Variants in ZNF358 observed in about 807,000 individuals in gnomAD.
ZNF358 encodes the protein zinc finger protein 358.
ZNF358 carries 1 observed loss-of-function variant against 2.1 expected under a neutral mutation model. The observed-to-expected ratio is 0.49, with a 90% confidence interval of 0.17 to 2.30. The LOEUF (loss-of-function observed/expected upper bound fraction) is 2.30, where lower values mean the gene tolerates loss of function less well. ZNF358 is among the 30% of genes most tolerant of loss of function. The probability of loss-of-function intolerance (pLI) is 0.26; values close to 1 mark genes in which losing one functional copy is unlikely to be tolerated. For synonymous variants in ZNF358, 381 were observed against 359.7 expected (o/e 1.06, Z -0.67); for missense variants, 665 against 806.8 (o/e 0.82, Z 2.13).
At chr19:7,518,553 G>GAA (rs538103893) in intron 1 of ZNF358, among the ~76,000 whole-genome samples, 104 of 22,564 alleles carry the variant, frequency 4.6e-3, no homozygotes, top group African/African-American at 0.013. Flanking sequence ...GAAAGAGAGA[G>GAA]AGAGAGAAAG....
intron 1 of ZNF358, among the ~76,000 whole-genome samples, chr19:7,517,562 CATAA>C (rs941356105): frequency 5.9e-5 from 9 of 151,914 alleles, no homozygotes; most frequent in African/African-American, 2.2e-4. Context: ...CCATCTCAAA[CATAA>C]ATAAATAAAT....
chr19:7,520,982 A>G lies in ZNF358; in HGVS notation c.*33A>G. Reference sequence around the variant, plus strand: ...GCCGGCATCCTCGGGGGCCTGGGGAAGTTGTGTGTTGTGCAGTCAGTAAAA... The same window carrying G: ...GCCGGCATCCTCGGGGGCCTGGGGAGGTTGTGTGTTGTGCAGTCAGTAAAA... On this transcript the variant is annotated 3_prime_UTR_variant, in exon 2 of 2. Transcript: ENST00000597229. This position sits in a 1 kb window ranked among gnomAD's most constrained non-coding sequence, Gnocchi z 6.0. 6.2e-7 allele frequency: 1 copy of G among 1,601,908 alleles called. No individual in the cohort carries two copies. Among genetic ancestry groups the G allele is most frequent in the Non-Finnish European group, 8.5e-7 (1 of 1,172,998 alleles).
intron 1 of ZNF358, among the ~76,000 whole-genome samples, chr19:7,518,316 G>T (rs145690944): frequency 6.5e-4 from 99 of 152,164 alleles, no homozygotes; most frequent in Admixed American, 5.6e-3. Context: ...ATGCTCAGAA[G>T]TGAGTGGGGT....
In ZNF358 at chr19:7,519,731, C is replaced by G; in HGVS notation, c.489C>G (p.Ser163Arg). 6.4e-7 allele frequency: 1 copy of G among 1,559,588 alleles called. No homozygotes were observed. Among genetic ancestry groups the G allele is most frequent in the South Asian group, 1.1e-5 (1 of 87,110 alleles). The change falls in exon 2 of 2, where the codon AGC becomes AGG. Residue 163 changes from serine (S) to arginine (R), a missense_variant. By Grantham distance (110) the Ser-to-Arg change is moderately radical. This residue lies in a region of ZNF358 where 206 missense variants were observed against 228.4 expected (regional missense o/e 0.90). Transcript: ENST00000597229. Reference sequence around the variant, plus strand: ...ATTGCGGGCGAGCCTTCCGCCGCAGCTCCGGGCTGAGCCAGCATCGCCGCA... The same window carrying G: ...ATTGCGGGCGAGCCTTCCGCCGCAGGTCCGGGCTGAGCCAGCATCGCCGCA... The part of the protein sequence containing the change: ...CPDCGRAFRR[S>R]SGLSQHRRTH...
upstream of ZNF358, among the ~76,000 whole-genome samples, chr19:7,515,111 T>C (rs2022318225): frequency 6.6e-6 from 1 of 152,172 alleles, no homozygotes; most frequent in Non-Finnish European, 1.5e-5. Flanking sequence ...GGATGAGAAC[T>C]CATTTTTGTG....
intron 1 of ZNF358, among the ~76,000 whole-genome samples, chr19:7,518,880 C>T (rs2022400176): frequency 6.6e-6 from 1 of 152,070 alleles, no homozygotes; most frequent in Non-Finnish European, 1.5e-5. Context: ...GCCTGTCTAA[C>T]ATGCTGAAAT....
Position 7,520,955 on chromosome 19 carries a change from AC to A in ZNF358, c.*7del, listed in dbSNP as rs1240995835. The A allele has an allele frequency of 6.2e-7, 1 of 1,610,436 alleles. No homozygotes were observed. Among genetic ancestry groups the A allele is most frequent in the East Asian group, 2.2e-5 (1 of 44,796 alleles). On this transcript the variant is annotated 3_prime_UTR_variant, in exon 2 of 2. Coordinates refer to ENST00000597229, the MANE Select transcript of ZNF358 (RefSeq NM_018083.5). The surrounding 1 kb of genome is among the most constrained non-coding windows in gnomAD (Gnocchi z 6.0). ...TGCTGGGGCCTGATGGCTGAAGGAG[AC>A]GCCGGCATCCTCGGGGGCCTGGGGA...
At chr19:7,519,064 C>CAA (rs397859220) in intron 1 of ZNF358, 141 bp from the exon 2 acceptor site, 5,924 of 573,080 alleles carry the variant, frequency 0.01, no homozygotes, top group Non-Finnish European at 0.011. Context: ...GACCCCATCT[C>CAA]AAAAAAAAAA....
rs1160489342 is a variant in ZNF358, at chr19:7,516,193, G to C, written c.-95G>C. 1 of 143,676 alleles carries C rather than the reference G, an allele frequency of 7.0e-6. No homozygotes were observed. Among genetic ancestry groups the C allele is most frequent in the African/African-American group, 2.5e-5 (1 of 40,032 alleles). The allele number at this position is 143,676 out of a possible 1,614,324, so 8.9% of individuals were successfully genotyped here. ...GGGCGGGGGGCTTCCTGCGGGCCCG[G>C]GGGGAGCCGGCGGCCGGCGCGGGCG... On this transcript the variant is annotated 5_prime_UTR_variant, in exon 1 of 2. Transcript: ENST00000597229. This position sits in a 1 kb window ranked among gnomAD's most constrained non-coding sequence, Gnocchi z 5.9.
At chr19:7,519,112 G>A (rs373089444) in intron 1 of ZNF358, 93 bp from the exon 2 acceptor site, 91 of 1,370,608 alleles carry the variant, frequency 6.6e-5, no homozygotes, top group Non-Finnish European at 8.5e-5. Flanking sequence ...GGGCACAATC[G>A]GGTCCCGTCT....
In ZNF358 at chr19:7,520,624, A is replaced by G; in HGVS notation, c.1382A>G (p.Asn461Ser). Residue 461 changes from asparagine to serine, a missense_variant, in exon 2 of 2, where the codon AAC becomes AGC. Around this residue, in one of 3 missense-constraint regions of ZNF358, gnomAD observed 249 missense variants for 227.6 expected, o/e 1.09. Transcript: ENST00000597229. This position sits in a 1 kb window ranked among gnomAD's most constrained non-coding sequence, Gnocchi z 6.0. ...AGCCCTGGCACCAGCTCTGGCCGCA[A>G]CCCTGACCCTGGCTCTGGGCCGGGC... ...GLSPGTSSGR[N>S]PDPGSGPGTL... The G allele has an allele frequency of 6.5e-7, 1 of 1,528,862 alleles. No homozygotes were observed. The highest frequency in any genetic ancestry group is 8.9e-7 in the Non-Finnish European group (1 of 1,122,246). 94.7% of individuals were successfully genotyped at this position (1,528,862 alleles called of 1,614,324 possible). A position where few individuals can be genotyped will look rare whatever the true frequency, so the allele number is the denominator to read the frequency against.
At chr19:7,514,479 C>T (rs779994509), upstream of ZNF358, among the ~76,000 whole-genome samples, 1 of 152,096 alleles carries the variant, frequency 6.6e-6, no homozygotes, top group African/African-American at 2.4e-5. Flanking sequence ...GTGGGCTCTG[C>T]GGAAAGATGG....
intron 1 of ZNF358, 133 bp from the exon 2 acceptor site, chr19:7,519,064 CAAAAAAAA>C (rs397859220): frequency 1.2e-4 from 71 of 577,492 alleles, no homozygotes; most frequent in East Asian, 1.2e-3. Context: ...GACCCCATCT[CAAAAAAAA>C]AAAAAAAAAA....
intron 1 of ZNF358, 35 bp from the exon 2 acceptor site, chr19:7,519,170 C>T (rs1260679397): frequency 1.3e-6 from 2 of 1,542,950 alleles, no homozygotes; most frequent in South Asian, 2.5e-5. Flanking sequence ...CCACAGAACC[C>T]ACCTACCCTC....
intron 1 of ZNF358, 136 bp from the exon 2 acceptor site, chr19:7,519,069 A>T (rs1398139634): frequency 9.5e-6 from 9 of 948,088 alleles, no homozygotes; most frequent in South Asian, 3.1e-5. Context: ...CATCTCAAAA[A>T]AAAAAAAAAA....
At chr19:7,519,065 A>AC (rs1491246319) in intron 1 of ZNF358, 140 bp from the exon 2 acceptor site, 1 of 64,638 alleles carries the variant, frequency 1.5e-5, no homozygotes, top group Non-Finnish European at 2.4e-5. Flanking sequence ...ACCCCATCTC[A>AC]AAAAAAAAAA....
At chr19:7,519,064 C>CAAA (rs397859220) in intron 1 of ZNF358, 141 bp from the exon 2 acceptor site, 891 of 575,878 alleles carry the variant, frequency 1.5e-3, no homozygotes, top group South Asian at 2.2e-3. Flanking sequence ...GACCCCATCT[C>CAAA]AAAAAAAAAA....
chr19:7,520,234 G>C lies in ZNF358; in HGVS notation c.992G>C (p.Ser331Thr). 1 of 1,607,368 alleles carries C rather than the reference G, an allele frequency of 6.2e-7. No individual in the cohort carries two copies. Among genetic ancestry groups the C allele is most frequent in the Non-Finnish European group, 8.5e-7 (1 of 1,179,572 alleles). The change falls in exon 2 of 2, where the codon AGC becomes ACC. Residue 331 changes from serine to threonine, a missense_variant. Physicochemically the swap from Ser to Thr is moderately conservative, Grantham distance 58. Transcript: ENST00000597229. The surrounding 1 kb of genome is among the most constrained non-coding windows in gnomAD (Gnocchi z 6.0). ...CACTGCGGCAAAGCCTTCGGGCAGA[G>C]CTCCAACTTGCAACACCACCTGCGC... ...CPHCGKAFGQ[S>T]SNLQHHLRIH...
At chr19:7,518,576 A>AAAG (rs1284038877) in intron 1 of ZNF358, among the ~76,000 whole-genome samples, 7 of 145,962 alleles carry the variant, frequency 4.8e-5, no homozygotes, top group African/African-American at 1.8e-4. Flanking sequence ...AGAAAGAAAG[A>AAAG]AAGAAAGAAA....
Sources: allele counts gnomAD v4.1 joint callset (sites outside exome capture counted in the v4.1 genomes callset), GRCh38; gene constraint gnomAD v4.1.1; regional missense constraint gnomAD v4.1.1; non-coding constraint Gnocchi (gnomAD v3.1); transcripts MANE v1.5; gene names NCBI Gene and HGNC (gene_info 2026-07-23, HGNC 2026-07-21).